CPED1: variants seen among roughly 807,000 people sequenced by gnomAD.
The protein encoded by CPED1 is cadherin-like and PC-esterase domain-containing protein 1.
Under a neutral mutation model 128.2 loss-of-function variants are expected in CPED1, and 114 were observed. The observed-to-expected ratio is 0.89, with a 90% CI of 0.76 to 1.04. The LOEUF (loss-of-function observed/expected upper bound fraction) is 1.04. CPED1 is among the 50% of genes least tolerant of loss of function. The probability of loss-of-function intolerance (pLI) is 0.00; values close to 1 mark genes in which losing one functional copy is unlikely to be tolerated. For missense variants in CPED1, 1,211 were observed against 1,207.1 expected (o/e 1.00, Z -0.05); for synonymous variants, 462 against 426.7 (o/e 1.08, Z -1.02).
chr7:121,063,381 G>GAAGA (rs1793732636), intron 4 of CPED1, among the ~76,000 whole-genome samples: 2 of 67,042 alleles, frequency 3.0e-5, no homozygotes, highest in Non-Finnish European at 5.1e-5. Context: ...TGAAGAAACT[G>GAAGA]AAAAAAAAAA....
chr7:121,082,434 A>G (rs1386469932), intron 5 of CPED1, among the ~76,000 whole-genome samples: 2 of 152,150 alleles, frequency 1.3e-5, no homozygotes, highest in Non-Finnish European at 2.9e-5. Flanking sequence ...AAGTAAGTAC[A>G]ATTAAGAGGT....
chr7:121,247,573 G>A (rs561169417), intron 18 of CPED1, among the ~76,000 whole-genome samples: 1 of 152,276 alleles, frequency 6.6e-6, no homozygotes, highest in South Asian at 2.1e-4. Context: ...AAACACTGGG[G>A]CTAGTTCCCA....
intron 22 of CPED1, among the ~76,000 whole-genome samples, chr7:121,284,690 C>T (rs1435720790): frequency 6.6e-6 from 1 of 152,224 alleles, no homozygotes; most frequent in Non-Finnish European, 1.5e-5. Context: ...AAAATGATCT[C>T]CTTTGACACT....
chr7:121,146,093 T>G (rs1414222849), intron 16 of CPED1, among the ~76,000 whole-genome samples: 1 of 152,086 alleles, frequency 6.6e-6, no homozygotes, highest in Non-Finnish European at 1.5e-5. Context: ...TGAGACTAGG[T>G]AGTTTATAAA....
At chr7:121,033,618 A>G (rs1792798294) in intron 3 of CPED1, among the ~76,000 whole-genome samples, 1 of 152,196 alleles carries the variant, frequency 6.6e-6, no homozygotes, top group East Asian at 1.9e-4. Context: ...GAACAAGCTT[A>G]TTAGATTATC....
At chr7:121,242,770 T>C (rs4731000) in intron 17 of CPED1, among the ~76,000 whole-genome samples, 47,484 of 151,928 alleles carry the variant, frequency 0.31, 7,700 homozygotes, top group Middle Eastern at 0.45. Flanking sequence ...TTGTATATTT[T>C]CTTTCCTTTC....
rs201719048 is a variant in CPED1, at chr7:121,223,925, AT to A, written c.2056-12779del. Among the ~76,000 whole-genome samples the A allele has an allele frequency of 4.0e-4, 59 of 146,254 alleles. 1 individual carries two copies. The South Asian group carries it at 4.4e-3, about 11-fold the overall frequency. ...AAAAAAACAGCTTCTGGATTCATTGATTTTTTTTTTGAAGGAATTTTTGTGT... is the reference window on the plus strand; with the variant it reads ...AAAAAAACAGCTTCTGGATTCATTGATTTTTTTTTGAAGGAATTTTTGTGT... On this transcript the variant is annotated intron_variant, in intron 16 of 22. Coordinates refer to ENST00000310396, the MANE Select transcript of CPED1 (RefSeq NM_024913.5).
At chr7:121,036,948 TTGTCTATTCA>T (rs1792911455) in intron 3 of CPED1, among the ~76,000 whole-genome samples, 1 of 152,156 alleles carries the variant, frequency 6.6e-6, no homozygotes, top group African/African-American at 2.4e-5. Context: ...CTTTTGAGAA[TTGTCTATTCA>T]TGTCTTTGGC....
At chr7:121,135,459 C>A (rs1795764550) in intron 13 of CPED1, among the ~76,000 whole-genome samples, 1 of 151,904 alleles carries the variant, frequency 6.6e-6, no homozygotes, top group South Asian at 2.1e-4. Context: ...TTTAACAAGC[C>A]CTTCAGATGA....
intron 4 of CPED1, among the ~76,000 whole-genome samples, chr7:121,049,590 T>C (rs367994004): frequency 1.9e-4 from 29 of 152,334 alleles, no homozygotes; most frequent in Middle Eastern, 3.4e-3. Context: ...TGGTGAATAT[T>C]TAGCACAATA....
At chr7:121,251,253 C>G (rs1798665591) in intron 18 of CPED1, among the ~76,000 whole-genome samples, 1 of 152,088 alleles carries the variant, frequency 6.6e-6, no homozygotes, top group South Asian at 2.1e-4. Flanking sequence ...AGGCCTTTGA[C>G]AAAATTCAAC....
chr7:121,000,739 G>A (rs1245449526), intron 2 of CPED1, among the ~76,000 whole-genome samples: 3 of 152,134 alleles, frequency 2.0e-5, no homozygotes, highest in Non-Finnish European at 2.9e-5. Context: ...TCAATCTCAA[G>A]CCTGTTAAGT....
At chr7:121,005,703 A>G (rs1418736507) in intron 2 of CPED1, among the ~76,000 whole-genome samples, 1 of 152,202 alleles carries the variant, frequency 6.6e-6, no homozygotes, top group Non-Finnish European at 1.5e-5. Context: ...ATTTAAAAAA[A>G]ATTTAAGGGC....
intron 22 of CPED1, among the ~76,000 whole-genome samples, chr7:121,282,995 T>C (rs943296954): frequency 2.6e-5 from 4 of 152,208 alleles, no homozygotes; most frequent in Non-Finnish European, 5.9e-5. Flanking sequence ...ATTTTGTTTC[T>C]CTTATACTTT....
rs534141268 is a variant in CPED1, at chr7:121,244,912, G to A, written c.2310+574G>A. On this transcript the variant is annotated intron_variant, in intron 18 of 22. Coordinates refer to ENST00000310396, the MANE Select transcript of CPED1 (RefSeq NM_024913.5). ...TCTAAGCTGATTTCTGGGACATGCA[G>A]TGTCTTCTTGCTAGGCATGCTCTGA... Among the ~76,000 whole-genome samples the A allele has an allele frequency of 2.0e-5, 3 of 152,306 alleles. No individual in the cohort carries two copies. The South Asian group carries it at 6.2e-4, about 32-fold the overall frequency.
intron 16 of CPED1, among the ~76,000 whole-genome samples, chr7:121,161,252 A>G (rs556789787): frequency 5.3e-5 from 8 of 152,238 alleles, no homozygotes; most frequent in Admixed American, 2.6e-4. Context: ...TCTGGGGAAG[A>G]GCCCACTGAC....
At chr7:121,277,399 G>A (rs1792350125) in intron 22 of CPED1, among the ~76,000 whole-genome samples, 1 of 152,102 alleles carries the variant, frequency 6.6e-6, no homozygotes, top group East Asian at 1.9e-4. Flanking sequence ...GGCACAGGGA[G>A]TCATCAGAAA....
At position 121,146,421 on chromosome 7, in the gene CPED1, T is replaced by C. The variant is rs142130318; in HGVS notation, c.2055+4280T>C. On this transcript the variant is annotated intron_variant, in intron 16 of 22. Coordinates refer to ENST00000310396, the MANE Select transcript of CPED1 (RefSeq NM_024913.5). ...TTTCAACACATGAATTTTGGGGACA[T>C]TCAAACTACAGCAAACTTAAAAGGC... 9.3e-3 allele frequency among the ~76,000 whole-genome samples: 1,409 copies of C among 152,188 alleles called. 64 individuals are homozygous for C. The highest frequency in any genetic ancestry group is 0.083 in the Admixed American group (1,263 of 15,264).
intron 6 of CPED1, among the ~76,000 whole-genome samples, chr7:121,099,346 C>T (rs1157307708): frequency 6.6e-6 from 1 of 151,818 alleles, no homozygotes; most frequent in Non-Finnish European, 1.5e-5. Flanking sequence ...TACTACCTTT[C>T]CACCTTTTTA....
Sources: allele counts gnomAD v4.1 joint callset (sites outside exome capture counted in the v4.1 genomes callset), GRCh38; gene constraint gnomAD v4.1.1; transcripts MANE v1.5; gene names NCBI Gene and HGNC (gene_info 2026-07-23, HGNC 2026-07-21).